Variants in HERC4 observed in about 807,000 individuals in gnomAD.
HERC4 encodes the protein probable E3 ubiquitin-protein ligase HERC4.
Under a neutral mutation model 124.3 loss-of-function variants are expected in HERC4, and 28 were observed. The observed-to-expected ratio is 0.23, with a 90% CI of 0.17 to 0.31. The LOEUF is 0.31. HERC4 is among the 10% of genes least tolerant of loss of function. The pLI is 1.00. For synonymous variants in HERC4, 407 were observed against 421.5 expected, an observed-to-expected ratio of 0.97 and a Z score of 0.42; for missense variants, 713 against 1,229.3, an observed-to-expected ratio of 0.58 and a Z score of 6.28.
chr10:67,932,921 A>G (rs2031981501), intron 22 of HERC4, 141 bp from the exon 23 acceptor site: 1 of 655,788 alleles, frequency 1.5e-6, no homozygotes, highest in African/African-American at 1.9e-5. Flanking sequence ...GCGTTCAAAC[A>G]GGACAAAACC....
intron 23 of HERC4, among the ~76,000 whole-genome samples, chr10:67,929,849 G>T (rs2031586882): frequency 7.0e-6 from 1 of 142,624 alleles, no homozygotes; most frequent in Non-Finnish European, 1.5e-5. Context: ...TTTCACTCTT[G>T]TTGCCCAGGC....
intron 15 of HERC4, among the ~76,000 whole-genome samples, chr10:67,981,047 C>T (rs930297714): frequency 5.9e-5 from 9 of 152,130 alleles, no homozygotes; most frequent in Non-Finnish European, 1.3e-4. Flanking sequence ...TGTGTCCTTA[C>T]TTATCAATAA....
intron 19 of HERC4, among the ~76,000 whole-genome samples, chr10:67,943,218 CTGTT>C (rs1368485671): frequency 2.0e-5 from 3 of 152,116 alleles, no homozygotes; most frequent in Middle Eastern, 3.2e-3. Flanking sequence ...TGTCTTAATT[CTGTT>C]TAAGTTTATA....
At chr10:67,970,240 A>T (rs1022689266) in intron 15 of HERC4, among the ~76,000 whole-genome samples, 1 of 152,230 alleles carries the variant, frequency 6.6e-6, no homozygotes, top group East Asian at 1.9e-4. Context: ...CTTTAAACCT[A>T]TTGATTTCAG....
intron 8 of HERC4, among the ~76,000 whole-genome samples, chr10:68,016,755 A>G (rs749144646): frequency 4.6e-5 from 7 of 152,200 alleles, no homozygotes; most frequent in Non-Finnish European, 1.0e-4. Context: ...ATCTCACTCA[A>G]TAGTCGAAAT....
At chr10:67,955,244 G>C in intron 17 of HERC4, 114 bp from the exon 18 acceptor site, 1 of 843,784 alleles carries the variant, frequency 1.2e-6, no homozygotes, top group Non-Finnish European at 1.8e-6. Context: ...CTATGCTACT[G>C]AATTAACATA....
chr10:68,025,447 T>C, intron 8 of HERC4, 99 bp downstream of exon 8: 1 of 1,341,632 alleles, frequency 7.5e-7, no homozygotes, highest in Non-Finnish European at 1.0e-6. Context: ...GGGCAGAATG[T>C]GTTTCCTCAG....
rs1309884339 is a variant in HERC4 at position 67,955,104 on chromosome 10, C to T, written c.2052G>A (p.Gln684=). 1 of 1,589,462 alleles carries T rather than the reference C, an allele frequency of 6.3e-7. No homozygotes were observed. The highest frequency in any genetic ancestry group is 8.5e-7 in the Non-Finnish European group (1 of 1,170,666). Residue 684 remains glutamine (Q), a synonymous_variant, in exon 18 of 25, where the codon CAG becomes CAA. Coordinates refer to ENST00000373700, the MANE Select transcript of HERC4 (RefSeq NM_015601.4). ...MQMAIDQAHR[Q]NVSSLFLPVI... ...CTGGGAGAAAAAGAGAGGAGACATT[C>T]TGCCTGTGGGCCTGATCAATAGCCA... is the stretch of plus-strand genomic sequence containing the variant.
At chr10:67,937,977 C>T (rs1462438248) in intron 21 of HERC4, among the ~76,000 whole-genome samples, 3 of 151,582 alleles carry the variant, frequency 2.0e-5, no homozygotes, top group Middle Eastern at 3.4e-3. Flanking sequence ...CCACTGTGCC[C>T]GGACAGAAAA....
At chr10:67,945,088 C>A (rs537640728) in intron 19 of HERC4, among the ~76,000 whole-genome samples, 2 of 152,224 alleles carry the variant, frequency 1.3e-5, no homozygotes, top group South Asian at 4.2e-4. Context: ...GGTATCAATA[C>A]TCAAGTACAA....
At chr10:68,036,997 T>C (rs1451477144) in intron 5 of HERC4, among the ~76,000 whole-genome samples, 1 of 152,138 alleles carries the variant, frequency 6.6e-6, no homozygotes, top group Non-Finnish European at 1.5e-5. Context: ...AATTTATCTG[T>C]GCTTCCCCAT....
At chr10:68,006,713 T>C (rs964174839) in intron 9 of HERC4, among the ~76,000 whole-genome samples, 4 of 152,122 alleles carry the variant, frequency 2.6e-5, no homozygotes, top group African/African-American at 9.7e-5. Flanking sequence ...AAGTCTTTAT[T>C]TCTCCTTCAC....
chr10:68,029,899 C>T (rs1325276057), intron 7 of HERC4, among the ~76,000 whole-genome samples: 4 of 151,092 alleles, frequency 2.6e-5, no homozygotes, highest in African/African-American at 9.7e-5. Context: ...CCACCACGCC[C>T]GGCTAATTTT....
chr10:68,010,680 G>A lies in HERC4; in HGVS notation c.1069+3346C>T, dbSNP rs925514467. ...CACCCACTTCTGCAGCAAGGGCCGC[G>A]CCGCTTACACATGTTCTTGAAGCTA... On this transcript the variant is annotated intron_variant, in intron 9 of 24. Coordinates refer to ENST00000373700, the MANE Select transcript of HERC4 (RefSeq NM_015601.4). 67 of 1,474,984 alleles carry A rather than the reference G, an allele frequency of 4.5e-5. No individual in the cohort carries two copies. In the African/African-American group the frequency reaches 5.1e-4, roughly 11 times the overall value. The allele number at this position is 1,474,984 out of a possible 1,614,324, so 91.4% of individuals were successfully genotyped here.
At chr10:67,966,439 C>G in intron 16 of HERC4, 2 of 322,552 alleles carry the variant, frequency 6.2e-6, no homozygotes, top group Non-Finnish European at 1.1e-5. Flanking sequence ...TTTTTTTTGT[C>G]TTGTTTTGTT....
chr10:68,059,696 T>C lies in HERC4; in HGVS notation c.226+13187A>G, dbSNP rs111209619. On this transcript the variant is annotated intron_variant, in intron 3 of 24. Coordinates refer to ENST00000373700, the MANE Select transcript of HERC4 (RefSeq NM_015601.4). ...TATTATATATCATAATATTATATAT[T>C]ATAATATTATATATCATAATATTAT... Among the ~76,000 whole-genome samples, 148 of 59,858 alleles carry C rather than the reference T, an allele frequency of 2.5e-3. 19 individuals are homozygous for C. Among genetic ancestry groups the C allele is most frequent in the Admixed American group, 4.3e-3 (16 of 3,716 alleles). 39.3% of individuals were successfully genotyped at this position (59,858 alleles called of 152,430 possible).
In HERC4 at chr10:67,991,201, TA is replaced by T; in HGVS notation, c.1272-3del. 6.7e-7 allele frequency: 1 copy of T among 1,503,734 alleles called. No individual in the cohort carries two copies. The highest frequency in any genetic ancestry group is 8.9e-7 in the Non-Finnish European group (1 of 1,122,756). The allele number at this position is 1,503,734 out of a possible 1,614,324, so 93.1% of individuals were successfully genotyped here. On this transcript the variant is annotated splice_region_variant and splice_polypyrimidine_tract_variant and intron_variant, in intron 11 of 24. Coordinates refer to ENST00000373700, the MANE Select transcript of HERC4 (RefSeq NM_015601.4). ...GAAGAAAACGTTCCATCTATCTCAC[TA>T]AAAAATTTAAAAAAGTTTTTTTAAT...
At chr10:68,058,852 T>C (rs549524172) in intron 3 of HERC4, among the ~76,000 whole-genome samples, 17 of 151,508 alleles carry the variant, frequency 1.1e-4, no homozygotes, top group East Asian at 1.9e-4. Flanking sequence ...AAAAAAAAAA[T>C]TGAATGGGTA....
At chr10:68,014,281 CT>C in intron 8 of HERC4, 95 bp from the exon 9 acceptor site, 1 of 1,164,462 alleles carries the variant, frequency 8.6e-7, no homozygotes, top group Non-Finnish European at 1.2e-6. Flanking sequence ...GGTAATTTTT[CT>C]TTTCAAAAAA....
Sources: gnomAD v4.1 joint callset for allele counts (sites outside exome capture counted in the v4.1 genomes callset) on GRCh38, gnomAD v4.1.1 for gene constraint, MANE v1.5 for transcripts, NCBI Gene and HGNC (gene_info 2026-07-23, HGNC 2026-07-21) for gene names.